ICA1: variants seen among roughly 807,000 people sequenced by gnomAD.
ICA1 encodes 69 kDa islet cell autoantigen.
A neutral mutation model predicts 71.0 loss-of-function variants in ICA1; 40 were observed. The observed-to-expected ratio is 0.56, with a 90% CI of 0.44 to 0.73. The LOEUF is 0.73. Ranked by LOEUF, ICA1 falls within the 30% of genes least tolerant of loss-of-function variation. The pLI, the probability that ICA1 is intolerant of heterozygous loss-of-function variation, is 0.00. For missense variants in ICA1, 578 were observed against 576.5 expected (o/e 1.00, Z -0.03); for synonymous variants, 207 against 209.5 (o/e 0.99, Z 0.10).
chr7:8,208,020 G>C (rs1373627569), intron 6 of ICA1, among the ~76,000 whole-genome samples: 1 of 152,006 alleles, frequency 6.6e-6, no homozygotes, highest in Non-Finnish European at 1.5e-5. Flanking sequence ...GCTTTGTTGA[G>C]GGTTAACAAA....
chr7:8,166,767 T>A (rs1046451807), intron 6 of ICA1, among the ~76,000 whole-genome samples: 1 of 152,086 alleles, frequency 6.6e-6, no homozygotes, highest in African/African-American at 2.4e-5. Context: ...ATATCCAGAA[T>A]CTATAAGTAA....
intron 6 of ICA1, among the ~76,000 whole-genome samples, chr7:8,174,408 G>A (rs1206313429): frequency 6.6e-6 from 1 of 151,924 alleles, no homozygotes. Flanking sequence ...CTTTTATAAC[G>A]AACCTAGTGC....
chr7:8,135,839 G>A (rs537693468), intron 12 of ICA1, among the ~76,000 whole-genome samples: 3 of 152,284 alleles, frequency 2.0e-5, no homozygotes, highest in South Asian at 2.1e-4. Flanking sequence ...GCCAACTTAT[G>A]AGACTTAGGT....
intron 4 of ICA1, among the ~76,000 whole-genome samples, chr7:8,224,235 T>C (rs1797946665): frequency 6.6e-6 from 1 of 151,950 alleles, no homozygotes; most frequent in Non-Finnish European, 1.5e-5. Flanking sequence ...TTAGGCTGAG[T>C]TCTGAATGAC....
intron 1 of ICA1, among the ~76,000 whole-genome samples, chr7:8,243,430 G>A (rs1010141322): frequency 6.6e-6 from 1 of 152,088 alleles, no homozygotes; most frequent in African/African-American, 2.4e-5. Context: ...AATAATAAGA[G>A]CTATTTATGA....
chr7:8,236,017 C>T lies in ICA1; in HGVS notation c.-79-12G>A. 2.2e-6 allele frequency: 3 copies of T among 1,340,272 alleles called. No homozygotes were observed. Among genetic ancestry groups the T allele is most frequent in the Non-Finnish European group, 3.2e-6 (3 of 943,448 alleles). 83.0% of individuals were successfully genotyped at this position (1,340,272 alleles called of 1,614,324 possible). On this transcript the variant is annotated splice_polypyrimidine_tract_variant and intron_variant, in intron 1 of 13. Coordinates refer to ENST00000402384, the MANE Select transcript of ICA1 (RefSeq NM_001136020.3). ...AGTTATATTATAACCTGAAATAAAA[C>T]AAATATGTTTAATAGTTACACACCA...
At chr7:8,189,652 G>C (rs945864415) in intron 6 of ICA1, among the ~76,000 whole-genome samples, 1 of 152,060 alleles carries the variant, frequency 6.6e-6, no homozygotes, top group Admixed American at 6.6e-5. Flanking sequence ...TAAAACCAGC[G>C]GTAGCTCTGA....
rs965250852 is a variant in ICA1, at chr7:8,232,828, C to A, written c.18-73G>T. Reference sequence around the variant, plus strand: ...AAGATATTTTAGTGTGAAATGATTTCTTTAAACATGACTTTCCATTATGCA... The same window carrying A: ...AAGATATTTTAGTGTGAAATGATTTATTTAAACATGACTTTCCATTATGCA... On this transcript the variant is annotated intron_variant, in intron 2 of 13. Coordinates refer to ENST00000402384, the MANE Select transcript of ICA1 (RefSeq NM_001136020.3). The A allele has an allele frequency of 1.5e-5, 19 of 1,296,814 alleles. No individual in the cohort carries two copies. In the South Asian group the frequency reaches 2.5e-4, roughly 17 times the overall value. The allele number at this position is 1,296,814 out of a possible 1,614,324, so 80.3% of individuals were successfully genotyped here.
intron 7 of ICA1, chr7:8,157,595 G>T: frequency 4.8e-6 from 1 of 207,856 alleles, no homozygotes; most frequent in Non-Finnish European, 9.5e-6. Context: ...ATTTCACTTA[G>T]CACACTCTGC....
chr7:8,195,168 T>C (rs1787016916), intron 6 of ICA1, among the ~76,000 whole-genome samples: 1 of 152,064 alleles, frequency 6.6e-6, no homozygotes, highest in African/African-American at 2.4e-5. Flanking sequence ...AAAACAACAA[T>C]GAGATAATAC....
intron 6 of ICA1, among the ~76,000 whole-genome samples, chr7:8,215,356 G>A (rs1015422309): frequency 6.6e-6 from 1 of 152,024 alleles, no homozygotes; most frequent in African/African-American, 2.4e-5. Flanking sequence ...CTTCTACCCA[G>A]CTCTTTCCTA....
chr7:8,132,529 C>T lies in ICA1; in HGVS notation c.1061-4387G>A, dbSNP rs1353107044. Among the ~76,000 whole-genome samples, 2 of 152,222 alleles carry T rather than the reference C, an allele frequency of 1.3e-5. No individual in the cohort carries two copies. The highest frequency in any genetic ancestry group is 2.9e-5 in the Non-Finnish European group (2 of 68,036). ...CTCTCTTGAAGGTCAGCAGTGAGAT[C>T]CTCATTGCCAGTTCTGAGGCTCTTT... On this transcript the variant is annotated intron_variant, in intron 12 of 13. Coordinates refer to ENST00000402384, the MANE Select transcript of ICA1 (RefSeq NM_001136020.3). This position sits in a 1 kb window ranked among gnomAD's most constrained non-coding sequence, Gnocchi z 4.5.
At chr7:8,195,810 T>C (rs1245381046) in intron 6 of ICA1, among the ~76,000 whole-genome samples, 1 of 151,998 alleles carries the variant, frequency 6.6e-6, no homozygotes, top group African/African-American at 2.4e-5. Flanking sequence ...AAACCCCATC[T>C]CTACTAAAAA....
chr7:8,251,520 A>G (rs1028348832), intron 1 of ICA1, among the ~76,000 whole-genome samples: 1 of 150,974 alleles, frequency 6.6e-6, no homozygotes, highest in Non-Finnish European at 1.5e-5. Flanking sequence ...ATTTACATCT[A>G]AGATAAAGCT....
At chr7:8,170,033 A>C (rs555739227) in intron 6 of ICA1, among the ~76,000 whole-genome samples, 1 of 152,056 alleles carries the variant, frequency 6.6e-6, no homozygotes, top group Non-Finnish European at 1.5e-5. Context: ...TTTAGACTTG[A>C]GATCTGATTC....
chr7:8,217,116 C>T (rs1158464551), intron 6 of ICA1, among the ~76,000 whole-genome samples: 2 of 152,176 alleles, frequency 1.3e-5, no homozygotes, highest in Admixed American at 1.3e-4. Flanking sequence ...ATAAGATGAG[C>T]GAGTTTCACC....
At chr7:8,203,769 T>C (rs1341137662) in intron 6 of ICA1, among the ~76,000 whole-genome samples, 1 of 152,214 alleles carries the variant, frequency 6.6e-6, no homozygotes, top group African/African-American at 2.4e-5. Flanking sequence ...TTTCCTCTTA[T>C]GACCGCAAAC....
rs1469297740 is a variant in ICA1, at chr7:8,144,431, A to G, written c.805-459T>C. Reference sequence around the variant, plus strand: ...TTTAAATTTTGTTTGCTATTTTGCAATCTAAAACCCAGTTTTAAAAAATAA... The same window carrying G: ...TTTAAATTTTGTTTGCTATTTTGCAGTCTAAAACCCAGTTTTAAAAAATAA... On this transcript the variant is annotated intron_variant, in intron 8 of 13. Transcript: ENST00000402384. The surrounding 1 kb of genome is among the most constrained non-coding windows in gnomAD (Gnocchi z 4.5). Among the ~76,000 whole-genome samples, 1 of 152,216 alleles carries G rather than the reference A, an allele frequency of 6.6e-6. No homozygotes were observed. Among genetic ancestry groups the G allele is most frequent in the East Asian group, 1.9e-4 (1 of 5,206 alleles).
At chr7:8,161,056 A>G (rs6942541) in intron 6 of ICA1, among the ~76,000 whole-genome samples, 118,032 of 152,142 alleles carry the variant, frequency 0.78, 45,893 homozygotes, top group Middle Eastern at 0.81. Flanking sequence ...CTTTTCCTAC[A>G]AAGGGGAAGA....
Sources: allele counts gnomAD v4.1 joint callset (sites outside exome capture counted in the v4.1 genomes callset), GRCh38; gene constraint gnomAD v4.1.1; non-coding constraint Gnocchi (gnomAD v3.1); transcripts MANE v1.5; gene names NCBI Gene and HGNC (gene_info 2026-07-23, HGNC 2026-07-21).